Variants in C4orf50 observed in about 807,000 individuals in gnomAD.
C4orf50 encodes the protein uncharacterized protein C4orf50.
C4orf50 carries 80 observed loss-of-function variants against 77.2 expected under a neutral mutation model. The ratio of observed to expected loss-of-function variants is 1.04; its 90% confidence interval spans 0.87 to 1.25. The LOEUF is 1.25. Among genes scored for constraint, C4orf50 ranks in the 50% most tolerant of loss-of-function variants. C4orf50 has a pLI of 0.00. For missense variants in C4orf50, 1,257 were observed against 1,152.9 expected (o/e 1.09, Z -1.31); for synonymous variants, 532 against 465.3 (o/e 1.14, Z -1.84).
intron 7 of C4orf50, among the ~76,000 whole-genome samples, chr4:5,918,336 T>C (rs1029498307): frequency 6.6e-6 from 1 of 152,224 alleles, no homozygotes; most frequent in East Asian, 1.9e-4. Context: ...CTCAAGGCTC[T>C]GCATCTGTTA....
intron 25 of C4orf50, among the ~76,000 whole-genome samples, chr4:5,995,653 T>A (rs553161506): frequency 6.6e-6 from 1 of 152,290 alleles, no homozygotes; most frequent in South Asian, 2.1e-4. Flanking sequence ...CACTGGACTG[T>A]GAGCTCCTTT....
Position 6,009,144 on chromosome 4 carries a change from C to T in C4orf50, c.427-612G>A, listed in dbSNP as rs1403482241. Among the ~76,000 whole-genome samples the T allele has an allele frequency of 6.6e-6, 1 of 152,200 alleles. No individual in the cohort carries two copies. The highest frequency in any genetic ancestry group is 2.4e-5 in the African/African-American group (1 of 41,444). On this transcript the variant is annotated intron_variant, in intron 24 of 33. Coordinates refer to ENST00000531445, the Ensembl canonical transcript of C4orf50. The surrounding 1 kb of genome is among the most constrained non-coding windows in gnomAD (Gnocchi z 5.6). ...CTAAAATTCACTGCGGCCAGGATGCCAAGCGCCTTGTATCTGACTCAGGCC... is the reference window on the plus strand; with the variant it reads ...CTAAAATTCACTGCGGCCAGGATGCTAAGCGCCTTGTATCTGACTCAGGCC...
intron 7 of C4orf50, among the ~76,000 whole-genome samples, chr4:5,935,514 G>A (rs1250054329): frequency 6.6e-6 from 1 of 152,194 alleles, no homozygotes; most frequent in African/African-American, 2.4e-5. Flanking sequence ...AGGGCTGGGT[G>A]TGGTGGCTCA....
intron 7 of C4orf50, among the ~76,000 whole-genome samples, chr4:5,948,960 C>CAAA (rs765201490): frequency 0.32 from 27,525 of 86,526 alleles, 4,443 homozygotes; most frequent in Non-Finnish European, 0.39. Flanking sequence ...GACTCCATCT[C>CAAA]AAAAAAAAAA....
chr4:5,991,363 G>A (rs1298808976), intron 27 of C4orf50, among the ~76,000 whole-genome samples: 2 of 152,214 alleles, frequency 1.3e-5, no homozygotes, highest in African/African-American at 4.8e-5. Flanking sequence ...TGCAGACTGT[G>A]AGCAGCGCTG....
At position 5,982,814 on chromosome 4, in the gene C4orf50, A is replaced by C. The variant is rs180894096; in HGVS notation, c.3700-2476T>G. On this transcript the variant is annotated intron_variant, in intron 28 of 33. Coordinates refer to ENST00000531445, the Ensembl canonical transcript of C4orf50. Reference sequence around the variant, plus strand: ...GGTGGGGGGAAGCTTTCTGGAGGAGAGGCCCCCCAGCAGGAGACCTAGAGG... The same window carrying C: ...GGTGGGGGGAAGCTTTCTGGAGGAGCGGCCCCCCAGCAGGAGACCTAGAGG... Among the ~76,000 whole-genome samples the C allele has an allele frequency of 3.8e-3, 581 of 152,170 alleles. 8 individuals carry two copies. Among genetic ancestry groups the C allele is most frequent in the African/African-American group, 0.013 (543 of 41,522 alleles).
chr4:5,974,053 G>T (rs146009289), intron 30 of C4orf50, among the ~76,000 whole-genome samples: 2 of 152,164 alleles, frequency 1.3e-5, no homozygotes, highest in Non-Finnish European at 2.9e-5. Flanking sequence ...CAGGGGCTCC[G>T]CACTGCCCTT....
At chr4:5,998,604 A>G (rs934497802) in intron 25 of C4orf50, among the ~76,000 whole-genome samples, 5 of 152,192 alleles carry the variant, frequency 3.3e-5, no homozygotes, top group African/African-American at 1.2e-4. Context: ...CAGCTCTGGG[A>G]TGACAGTGGA....
rs556665198 is a variant in C4orf50 at position 6,009,474 on chromosome 4, G to A, written c.427-942C>T. On this transcript the variant is annotated intron_variant, in intron 24 of 33. Coordinates refer to ENST00000531445, the Ensembl canonical transcript of C4orf50. The surrounding 1 kb of genome is among the most constrained non-coding windows in gnomAD (Gnocchi z 5.6). ...GCTTTGTTTGATAGTTTTGGGGAAC[G>A]TGGGGCAGATAAAAGTCAGGGTCAG... is the stretch of plus-strand genomic sequence containing the variant. Among the ~76,000 whole-genome samples the A allele has an allele frequency of 1.1e-4, 16 of 152,342 alleles. No individual in the cohort carries two copies. The highest frequency in any genetic ancestry group is 3.4e-4 in the African/African-American group (14 of 41,572).
chr4:5,922,207 G>C (rs796252684), intron 7 of C4orf50, among the ~76,000 whole-genome samples: 6 of 152,214 alleles, frequency 3.9e-5, no homozygotes, highest in Non-Finnish European at 8.8e-5. Context: ...CCAGAGTGGT[G>C]GGCCGGGGCC....
At chr4:5,899,901 A>T (rs1377946945) in intron 7 of C4orf50, 1 of 152,262 alleles carries the variant, frequency 6.6e-6, no homozygotes, top group Non-Finnish European at 1.5e-5. Flanking sequence ...TCATCAGTAC[A>T]GAATGCGGTC....
At chr4:5,913,738 C>T (rs1716908158) in intron 7 of C4orf50, among the ~76,000 whole-genome samples, 1 of 152,186 alleles carries the variant, frequency 6.6e-6, no homozygotes, top group Admixed American at 6.5e-5. Flanking sequence ...TGGGACCAAA[C>T]CTCCAGGCTG....
intron 25 of C4orf50, among the ~76,000 whole-genome samples, chr4:6,005,278 T>A (rs1352067382): frequency 6.6e-6 from 1 of 152,088 alleles, no homozygotes; most frequent in African/African-American, 2.4e-5. Flanking sequence ...TGATGGGCAA[T>A]TTAGGGAGCT....
At chr4:5,922,041 T>C (rs191743999) in intron 7 of C4orf50, among the ~76,000 whole-genome samples, 12 of 152,176 alleles carry the variant, frequency 7.9e-5, no homozygotes, top group African/African-American at 2.9e-4. Flanking sequence ...TGGTTTCTGG[T>C]CAAGCAGGAA....
downstream of C4orf50, among the ~76,000 whole-genome samples, chr4:5,954,628 C>T (rs565342065): frequency 8.5e-4 from 130 of 152,160 alleles, no homozygotes; most frequent in African/African-American, 2.9e-3. The surrounding 1 kb of genome is among the most constrained non-coding windows in gnomAD (Gnocchi z 4.7). Flanking sequence ...TGGAGTGTGA[C>T]GTGCCAGCCT....
intron 7 of C4orf50, among the ~76,000 whole-genome samples, chr4:5,917,693 A>G (rs1381022026): frequency 1.3e-5 from 2 of 152,062 alleles, no homozygotes; most frequent in African/African-American, 4.8e-5. Flanking sequence ...ATGAGCCACT[A>G]TGCCTGGCCA....
At chr4:5,959,505 T>G (rs1443630119) in exon 34 of C4orf50, 1 of 1,614,154 alleles carries the variant, frequency 6.2e-7, no homozygotes, top group East Asian at 2.2e-5. Context: ...GTTATCGACT[T>G]GGAGGGCAGG....
At chr4:6,003,879 T>C (rs1721994322) in intron 25 of C4orf50, among the ~76,000 whole-genome samples, 1 of 138,648 alleles carries the variant, frequency 7.2e-6, no homozygotes. Context: ...ATGATGGTGA[T>C]GGTGATTATG....
downstream of C4orf50, among the ~76,000 whole-genome samples, chr4:5,952,468 TG>T (rs1433273744): frequency 2.0e-5 from 3 of 152,208 alleles, no homozygotes; most frequent in African/African-American, 7.2e-5. This position sits in a 1 kb window ranked among gnomAD's most constrained non-coding sequence, Gnocchi z 4.4. Context: ...GAGCACTGAC[TG>T]GCCCCTCCTC....
Sources: allele counts gnomAD v4.1 joint callset (sites outside exome capture counted in the v4.1 genomes callset), GRCh38; gene constraint gnomAD v4.1.1; non-coding constraint Gnocchi (gnomAD v3.1); transcripts MANE v1.5; gene names NCBI Gene and HGNC (gene_info 2026-07-23, HGNC 2026-07-21).